Variants in CAPG observed in about 807,000 individuals in gnomAD.
The protein encoded by CAPG is macrophage-capping protein.
In CAPG, 32 loss-of-function variants were observed where a neutral mutation model predicts 44.6. That is an observed-to-expected ratio of 0.72 (90% CI 0.54 to 0.96). The LOEUF (loss-of-function observed/expected upper bound fraction) is 0.96, where lower values mean the gene tolerates loss of function less well. CAPG is among the 50% of genes least tolerant of loss of function. The pLI is 0.00. For missense variants in CAPG, 412 were observed against 438.3 expected, an observed-to-expected ratio of 0.94 and a Z score of 0.54; for synonymous variants, 175 against 179.6, an observed-to-expected ratio of 0.97 and a Z score of 0.20.
chr2:85,397,383 G>C (rs896004551), intron 8 of CAPG, among the ~76,000 whole-genome samples: 19 of 152,304 alleles, frequency 1.2e-4, no homozygotes, highest in Admixed American at 4.6e-4. Flanking sequence ...TGTAGTTTCA[G>C]AGCCATTGTC....
intron 5 of CAPG, among the ~76,000 whole-genome samples, chr2:85,400,793 T>C (rs947423240): frequency 2.0e-5 from 3 of 151,956 alleles, no homozygotes; most frequent in Non-Finnish European, 4.4e-5. Context: ...TTATGGCAAG[T>C]GACTGGCCCA....
At chr2:85,398,291 G>T in intron 7 of CAPG, 139 bp from the exon 8 acceptor site, 1 of 996,584 alleles carries the variant, frequency 1.0e-6, no homozygotes, top group South Asian at 1.6e-5. Flanking sequence ...GAGCAGACAA[G>T]AGAGTGAAGA....
intron 8 of CAPG, 46 bp downstream of exon 8, chr2:85,397,974 C>G: frequency 6.3e-7 from 1 of 1,594,736 alleles, no homozygotes; most frequent in South Asian, 1.1e-5. Context: ...CTGCCCGGGT[C>G]AGAGCAGCTA....
intron 5 of CAPG, among the ~76,000 whole-genome samples, 200 bp from the exon 6 acceptor site, chr2:85,399,485 C>T (rs1027570934): frequency 1.3e-5 from 2 of 152,210 alleles, no homozygotes; most frequent in African/African-American, 4.8e-5. Flanking sequence ...GCCCACCTGC[C>T]ATCTGTCTTC....
chr2:85,403,320 G>A (rs115457951), intron 1 of CAPG, among the ~76,000 whole-genome samples: 7,396 of 152,230 alleles, frequency 0.049, 270 homozygotes, highest in Middle Eastern at 0.075. Flanking sequence ...TATCTGAACA[G>A]TGGCCATATC....
chr2:85,414,117 A>T (rs11686739), upstream of CAPG: 1 of 152,400 alleles, frequency 6.6e-6, no homozygotes, highest in African/African-American at 2.4e-5. Flanking sequence ...GGGAGCCCCT[A>T]TGGGAGGCTG....
At chr2:85,397,222 CAA>C (rs773047487) in intron 8 of CAPG, among the ~76,000 whole-genome samples, 24 of 152,178 alleles carry the variant, frequency 1.6e-4, no homozygotes, top group Admixed American at 3.9e-4. Flanking sequence ...CAGTGGTTCT[CAA>C]AGTGTGATCC....
In CAPG at chr2:85,395,586, C is replaced by CAA. The variant is rs1307925454; in HGVS notation, c.932_933insTT (p.Gln311HisfsTer75). Reference sequence around the variant, plus strand: ...TGCGCGAGATGAAGCCCTCGGCCACCTGCAGGGCTGCCTGCCGCTCCTTCT... The same window carrying CAA: ...TGCGCGAGATGAAGCCCTCGGCCACCAATGCAGGGCTGCCTGCCGCTCCTTCT... On this transcript the variant is annotated frameshift_variant, in exon 9 of 10. Transcript: ENST00000263867. LOFTEE classifies it high-confidence loss of function. The surrounding 1 kb of genome is among the most constrained non-coding windows in gnomAD (Gnocchi z 4.3). 1 of 1,613,886 alleles carries CAA rather than the reference C, an allele frequency of 6.2e-7. No individual in the cohort carries two copies.
upstream of CAPG, among the ~76,000 whole-genome samples, chr2:85,410,830 T>C (rs1687384026): frequency 6.6e-6 from 1 of 152,088 alleles, no homozygotes; most frequent in Non-Finnish European, 1.5e-5. Context: ...TGCAAGTATT[T>C]GATTTTTTTT....
intron 3 of CAPG, 25 bp downstream of exon 3, chr2:85,401,760 C>T (rs1053715341): frequency 1.9e-6 from 3 of 1,612,546 alleles, no homozygotes; most frequent in African/African-American, 2.7e-5. Context: ...CTGGGCCCAA[C>T]CTTCCCCCAT....
upstream of CAPG, among the ~76,000 whole-genome samples, chr2:85,410,767 G>C (rs948699411): frequency 7.2e-5 from 11 of 152,144 alleles, no homozygotes; most frequent in African/African-American, 2.4e-4. Context: ...AGGGTCACTG[G>C]CTTCACATTA....
At chr2:85,418,164 C>G (rs1687610675) in intron 1 of CAPG, 1 of 152,262 alleles carries the variant, frequency 6.6e-6, no homozygotes, top group Non-Finnish European at 1.5e-5. Flanking sequence ...TCGCCTGACC[C>G]AGCCTTGCCT....
chr2:85,403,886 CAAAAA>C (rs36054381), intron 1 of CAPG, among the ~76,000 whole-genome samples: 1 of 69,788 alleles, frequency 1.4e-5, no homozygotes, highest in Non-Finnish European at 2.7e-5. Flanking sequence ...GACTCCATCT[CAAAAA>C]AAAAAAAAAA....
upstream of CAPG, among the ~76,000 whole-genome samples, chr2:85,411,250 C>G (rs547288439): frequency 5.9e-5 from 9 of 152,226 alleles, no homozygotes; most frequent in Non-Finnish European, 1.2e-4. Flanking sequence ...ACCCTTTGGT[C>G]TGCTTCTCAT....
chr2:85,401,502 TG>T, intron 4 of CAPG, 26 bp downstream of exon 4: 1 of 1,610,856 alleles, frequency 6.2e-7, no homozygotes, highest in South Asian at 1.1e-5. Flanking sequence ...AGCTGCAGGG[TG>T]GGGGTGCCTA....
In CAPG at chr2:85,398,004, C is replaced by T; in HGVS notation, c.892+16G>A. 1 of 1,611,900 alleles carries T rather than the reference C, an allele frequency of 6.2e-7. No homozygotes were observed. Among genetic ancestry groups the T allele is most frequent in the Non-Finnish European group, 8.5e-7 (1 of 1,178,704 alleles). On this transcript the variant is annotated intron_variant, in intron 8 of 9. Coordinates refer to ENST00000263867, the MANE Select transcript of CAPG (RefSeq NM_001747.4). ...CAGCTACAGGCATCTCAGGCTGTTACAGAGGAGCCACGTACCCTTCCAGAT... is the reference window on the plus strand; with the variant it reads ...CAGCTACAGGCATCTCAGGCTGTTATAGAGGAGCCACGTACCCTTCCAGAT...
chr2:85,391,981 C>T (rs1686389740), downstream of CAPG, among the ~76,000 whole-genome samples: 1 of 152,214 alleles, frequency 6.6e-6, no homozygotes, highest in African/African-American at 2.4e-5. Flanking sequence ...CTTGCAAGCT[C>T]TAGCCAGTGG....
upstream of CAPG, among the ~76,000 whole-genome samples, chr2:85,411,243 C>G (rs1053360336): frequency 6.6e-6 from 1 of 152,228 alleles, no homozygotes; most frequent in Non-Finnish European, 1.5e-5. Flanking sequence ...GGTCTCTACC[C>G]TTTGGTCTGC....
exon 1 of CAPG, chr2:85,418,350 C>G (rs761179659): frequency 6.6e-6 from 1 of 152,246 alleles, no homozygotes; most frequent in African/African-American, 2.4e-5. Flanking sequence ...AGTTGAGGGC[C>G]TCGCGCCGGG....
Sources: gnomAD v4.1 joint callset for allele counts (sites outside exome capture counted in the v4.1 genomes callset) on GRCh38, gnomAD v4.1.1 for gene constraint, Gnocchi (gnomAD v3.1) non-coding constraint, MANE v1.5 for transcripts, NCBI Gene and HGNC (gene_info 2026-07-23, HGNC 2026-07-21) for gene names.